Variants in NOTCH2NLC observed in about 807,000 individuals in gnomAD.
NOTCH2NLC encodes notch homolog 2 N-terminal-like protein C.
In NOTCH2NLC, 4 loss-of-function variants were observed where a neutral mutation model predicts 17.7. The ratio of observed to expected loss-of-function variants is 0.23; its 90% confidence interval spans 0.11 to 0.52. The LOEUF is 0.52. Among genes scored for constraint, NOTCH2NLC ranks in the 20% least tolerant of loss-of-function variants. NOTCH2NLC has a pLI of 0.96. For missense variants in NOTCH2NLC, 57 were observed against 207.2 expected (o/e 0.28, Z 4.45); for synonymous variants, 18 against 86.0 (o/e 0.21, Z 4.38).
chr1:149,448,954 T>C lies in NOTCH2NLC; in HGVS notation c.210-6364T>C, dbSNP rs1324785286. On this transcript the variant is annotated intron_variant, in intron 2 of 4. Transcript: ENST00000650865. ...TGGAGTGCAGTGGCGCGATCTTGGC[T>C]CACTGCAACCTCCAACTTCTGGGTT... Among the ~76,000 whole-genome samples the C allele has an allele frequency of 1.3e-3, 190 of 146,170 alleles. 5 individuals carry two copies. The highest frequency in any genetic ancestry group is 2.5e-3 in the Non-Finnish European group (163 of 66,016).
At chr1:149,419,059 T>TTTTTC (rs1166964098) in intron 1 of NOTCH2NLC, among the ~76,000 whole-genome samples, 6 of 150,144 alleles carry the variant, frequency 4.0e-5, no homozygotes, top group Non-Finnish European at 7.4e-5. Flanking sequence ...TTCTTTCTTT[T>TTTTTC]TTTTCTTTTC....
chr1:149,409,841 T>A (rs1254097756), intron 1 of NOTCH2NLC, among the ~76,000 whole-genome samples: 3 of 139,660 alleles, frequency 2.1e-5, no homozygotes, highest in Non-Finnish European at 4.7e-5. Context: ...GAAGGGCCAG[T>A]GTACTGTGGG....
At chr1:149,428,830 C>T (rs1263677738) in intron 1 of NOTCH2NLC, among the ~76,000 whole-genome samples, 1 of 150,452 alleles carries the variant, frequency 6.6e-6, no homozygotes. Context: ...GACAGAGCTA[C>T]AGCTTTTTCT....
intron 2 of NOTCH2NLC, among the ~76,000 whole-genome samples, chr1:149,449,375 T>C (rs2084576644): frequency 6.7e-6 from 1 of 148,408 alleles, no homozygotes; most frequent in South Asian, 2.2e-4. Flanking sequence ...AGGCAGAAAA[T>C]TTTGGTCATT....
At position 149,463,218 on chromosome 1, in the gene NOTCH2NLC, G is replaced by A. The variant is rs1169146865; in HGVS notation, c.470-273G>A. Among the ~76,000 whole-genome samples, 1,082 of 149,758 alleles carry A rather than the reference G, an allele frequency of 7.2e-3. 32 individuals carry two copies. Among genetic ancestry groups the A allele is most frequent in the African/African-American group, 0.026 (1,042 of 40,812 alleles). ...GATCCAGACTCCTATTGCTGATAGC[G>A]TCCTGCAGGATTGGGCTTCAATGTG... On this transcript the variant is annotated intron_variant, in intron 3 of 4. Coordinates refer to ENST00000650865, the MANE Select transcript of NOTCH2NLC (RefSeq NM_001364013.2).
chr1:149,421,582 T>A (rs2084380184), intron 1 of NOTCH2NLC, among the ~76,000 whole-genome samples: 1 of 130,978 alleles, frequency 7.6e-6, no homozygotes, highest in African/African-American at 2.9e-5. Flanking sequence ...TTTGTCTTGA[T>A]AATAGTACAA....
intron 1 of NOTCH2NLC, among the ~76,000 whole-genome samples, chr1:149,415,918 T>G (rs2084332437): frequency 6.6e-6 from 1 of 150,980 alleles, no homozygotes; most frequent in South Asian, 2.1e-4. Flanking sequence ...GGGTATATTA[T>G]TTATTATAGA....
intron 1 of NOTCH2NLC, among the ~76,000 whole-genome samples, chr1:149,400,041 A>T (rs1373602129): frequency 2.0e-5 from 3 of 148,422 alleles, no homozygotes; most frequent in African/African-American, 7.4e-5. Flanking sequence ...GTCCACAATC[A>T]TGCTGCCATT....
At chr1:149,445,619 C>T (rs1205816362) in intron 2 of NOTCH2NLC, among the ~76,000 whole-genome samples, 1 of 150,874 alleles carries the variant, frequency 6.6e-6, no homozygotes, top group Non-Finnish European at 1.5e-5. Context: ...AGGCCCAGGG[C>T]AAGAAGAAAG....
intron 1 of NOTCH2NLC, among the ~76,000 whole-genome samples, chr1:149,413,024 C>T (rs1385826127): frequency 6.9e-6 from 1 of 145,834 alleles, no homozygotes; most frequent in African/African-American, 2.5e-5. Context: ...CCTGCCTTAG[C>T]CTCCCGAGTA....
At chr1:149,445,909 A>G (rs2084550061) in intron 2 of NOTCH2NLC, among the ~76,000 whole-genome samples, 1 of 140,976 alleles carries the variant, frequency 7.1e-6, no homozygotes, top group Admixed American at 7.0e-5. Context: ...TTTAAAAAAA[A>G]AAAAAAAAAA....
rs1274547648 is a variant in NOTCH2NLC at position 149,470,632 on chromosome 1, TGTG to T, written c.*6482_*6484del. ...GCATGAGGTTTTCAAAGTTCATTGA[TGTG>T]GTAGCATTTATCAGTACTCTGTGCC... On this transcript the variant is annotated 3_prime_UTR_variant, in exon 5 of 5. Coordinates refer to ENST00000650865, the MANE Select transcript of NOTCH2NLC (RefSeq NM_001364013.2). Among the ~76,000 whole-genome samples the T allele has an allele frequency of 2.4e-5, 3 of 126,084 alleles. No individual in the cohort carries two copies. Among genetic ancestry groups the T allele is most frequent in the Non-Finnish European group, 3.4e-5 (2 of 58,808 alleles). 82.7% of individuals were successfully genotyped at this position (126,084 alleles called of 152,430 possible).
chr1:149,460,836 ATTCTTTCTTTCTTTCTCCCT>A (rs1188371169), intron 3 of NOTCH2NLC, among the ~76,000 whole-genome samples: 2 of 142,588 alleles, frequency 1.4e-5, no homozygotes, highest in Non-Finnish European at 3.1e-5. Context: ...TTCAGGGTTG[ATTCTTTCTTTCTTTCTCCCT>A]TTCTTTCTTT....
chr1:149,408,196 G>A (rs1287673299), intron 1 of NOTCH2NLC, among the ~76,000 whole-genome samples: 60 of 96,952 alleles, frequency 6.2e-4, no homozygotes, highest in African/African-American at 1.9e-3. Context: ...GTTTACAGGC[G>A]TTTTTAATTT....
chr1:149,435,427 G>A (rs1306743524), intron 2 of NOTCH2NLC, among the ~76,000 whole-genome samples: 2 of 147,094 alleles, frequency 1.4e-5, no homozygotes, highest in Admixed American at 6.9e-5. Flanking sequence ...TTTAGGACAC[G>A]TTAGGGTGGG....
chr1:149,419,931 A>G (rs1156418102), intron 1 of NOTCH2NLC, among the ~76,000 whole-genome samples: 4 of 132,770 alleles, frequency 3.0e-5, no homozygotes, highest in South Asian at 2.4e-4. Context: ...CAGTGGCACA[A>G]TCTCGGCTCA....
In NOTCH2NLC at chr1:149,451,573, C is replaced by A. The variant is rs1490434427; in HGVS notation, c.210-3745C>A. Among the ~76,000 whole-genome samples the A allele has an allele frequency of 8.0e-5, 12 of 150,882 alleles. 2 individuals carry two copies. Among genetic ancestry groups the A allele is most frequent in the East Asian group, 7.9e-4 (4 of 5,074 alleles). On this transcript the variant is annotated intron_variant, in intron 2 of 4. Coordinates refer to ENST00000650865, the MANE Select transcript of NOTCH2NLC (RefSeq NM_001364013.2). ...ACAGTAGGTCTAGTTTCACGTAAAG[C>A]AAATATGTGGTTCTGTACACGGGCT... is the stretch of plus-strand genomic sequence containing the variant.
Position 149,429,563 on chromosome 1 carries a change from G to A in NOTCH2NLC, c.136-1379G>A, listed in dbSNP as rs1254055540. 1.1e-4 allele frequency among the ~76,000 whole-genome samples: 17 copies of A among 151,018 alleles called. No individual in the cohort carries two copies. In the South Asian group the frequency reaches 3.4e-3, roughly 30 times the overall value. On this transcript the variant is annotated intron_variant, in intron 1 of 4. Transcript: ENST00000650865. ...TAGGATAGTGCCTGGTATTTAGTAAGTTCTATGTGTTAGCCTATTATTATT... is the reference window on the plus strand; with the variant it reads ...TAGGATAGTGCCTGGTATTTAGTAAATTCTATGTGTTAGCCTATTATTATT...
intron 2 of NOTCH2NLC, among the ~76,000 whole-genome samples, chr1:149,441,044 GAGGCGGT>G (rs2084516373): frequency 6.6e-6 from 1 of 150,722 alleles, no homozygotes; most frequent in South Asian, 2.1e-4. Context: ...ACCAGACAGA[GAGGCGGT>G]AGGCTTGTGG....
Sources: gnomAD v4.1 joint callset for allele counts (sites outside exome capture counted in the v4.1 genomes callset) on GRCh38, gnomAD v4.1.1 for gene constraint, MANE v1.5 for transcripts, NCBI Gene and HGNC (gene_info 2026-07-23, HGNC 2026-07-21) for gene names.